The following DTD1 variants were observed in gnomAD, a reference collection of about 807,000 sequenced individuals.
DTD1 encodes the protein D-aminoacyl-tRNA deacylase 1.
A neutral mutation model predicts 25.6 loss-of-function variants in DTD1; 13 were observed. The ratio of observed to expected loss-of-function variants is 0.51; its 90% confidence interval spans 0.33 to 0.81. DTD1 has a LOEUF of 0.81. Ranked by LOEUF, DTD1 falls within the 30% of genes least tolerant of loss-of-function variation. The pLI is 0.02. For missense variants in DTD1, 193 were observed against 266.4 expected, an observed-to-expected ratio of 0.72 and a Z score of 1.92; for synonymous variants, 110 against 103.6, an observed-to-expected ratio of 1.06 and a Z score of -0.37.
chr20:18,629,564 A>T (rs1020254889), intron 4 of DTD1, among the ~76,000 whole-genome samples: 1 of 152,006 alleles, frequency 6.6e-6, no homozygotes, highest in Non-Finnish European at 1.5e-5. Context: ...CAGCCTCCCA[A>T]AGTGCTGAGA....
rs144477577 is a variant in DTD1 at position 18,728,103 on chromosome 20, C to T, written c.478-15997C>T. 5.0e-3 allele frequency among the ~76,000 whole-genome samples: 759 copies of T among 152,258 alleles called. 8 individuals carry two copies. The highest frequency in any genetic ancestry group is 0.018 in the African/African-American group (731 of 41,534). ...AGGACCCTGGAGGGGTTTTCAGTCCCTTCATGGACTTGGAGACTGTCAGCC... is the reference window on the plus strand; with the variant it reads ...AGGACCCTGGAGGGGTTTTCAGTCCTTTCATGGACTTGGAGACTGTCAGCC... On this transcript the variant is annotated intron_variant, in intron 4 of 5. Coordinates refer to ENST00000377452, the MANE Select transcript of DTD1 (RefSeq NM_080820.6).
intron 4 of DTD1, among the ~76,000 whole-genome samples, chr20:18,677,878 T>C (rs1056402140): frequency 6.6e-6 from 1 of 152,252 alleles, no homozygotes; most frequent in Admixed American, 6.5e-5. Flanking sequence ...TTGCTTCTTT[T>C]TAAAAATTAA....
At chr20:18,752,097 C>A (rs1480514688) in intron 5 of DTD1, among the ~76,000 whole-genome samples, 2 of 152,132 alleles carry the variant, frequency 1.3e-5, no homozygotes, top group African/African-American at 4.8e-5. Context: ...TTACCCCACC[C>A]CCAGCCCCCA....
intron 4 of DTD1, among the ~76,000 whole-genome samples, chr20:18,686,535 G>T (rs533665772): frequency 6.6e-6 from 1 of 151,992 alleles, no homozygotes; most frequent in Non-Finnish European, 1.5e-5. Flanking sequence ...TCCCAATATT[G>T]TATATGCTTT....
intron 3 of DTD1, among the ~76,000 whole-genome samples, chr20:18,621,794 G>T (rs2060735256): frequency 6.6e-6 from 1 of 151,126 alleles, no homozygotes; most frequent in South Asian, 2.1e-4. Flanking sequence ...GCCAGGCGTG[G>T]TGGCTCACGC....
At chr20:18,667,429 C>T (rs1000458642) in intron 4 of DTD1, among the ~76,000 whole-genome samples, 3 of 152,112 alleles carry the variant, frequency 2.0e-5, no homozygotes, top group Non-Finnish European at 2.9e-5. Context: ...GCTGAAAGAT[C>T]GCTGATGGGC....
chr20:18,659,541 TAG>T (rs2060901756), intron 4 of DTD1, among the ~76,000 whole-genome samples: 1 of 152,258 alleles, frequency 6.6e-6, no homozygotes, highest in Non-Finnish European at 1.5e-5. Flanking sequence ...TTGTCTTTTA[TAG>T]AGTTTATTAT....
At chr20:18,721,145 G>T (rs576777216) in intron 4 of DTD1, among the ~76,000 whole-genome samples, 3 of 152,212 alleles carry the variant, frequency 2.0e-5, no homozygotes, top group African/African-American at 7.2e-5. Context: ...CGAACAGACT[G>T]TCCTAATTTT....
rs563703310 is a variant in DTD1 at position 18,649,283 on chromosome 20, G to A, written c.477+21050G>A. Among the ~76,000 whole-genome samples, 11 of 144,516 alleles carry A rather than the reference G, an allele frequency of 7.6e-5. No homozygotes were observed. In the South Asian group the frequency reaches 9.0e-4, roughly 12 times the overall value. The allele number at this position is 144,516 out of a possible 152,430, so 94.8% of individuals were successfully genotyped here. On this transcript the variant is annotated intron_variant, in intron 4 of 5. Coordinates refer to ENST00000377452, the MANE Select transcript of DTD1 (RefSeq NM_080820.6). ...TGGTGGCTAACACAAGACAAGACTC[G>A]AGCGAGAAAGACTCTGATGGGCTTT...
At chr20:18,619,226 T>G (rs528039483) in intron 3 of DTD1, among the ~76,000 whole-genome samples, 46 of 152,328 alleles carry the variant, frequency 3.0e-4, no homozygotes, top group African/African-American at 1.0e-3. Flanking sequence ...GCAGCTATCT[T>G]TCTCTATTTT....
intron 3 of DTD1, among the ~76,000 whole-genome samples, chr20:18,597,613 A>G (rs554726615): frequency 3.3e-5 from 5 of 152,304 alleles, no homozygotes; most frequent in African/African-American, 7.2e-5. Flanking sequence ...TTTTATGTAA[A>G]TGGAATTATA....
chr20:18,746,958 A>G (rs990619723), intron 5 of DTD1, among the ~76,000 whole-genome samples: 1 of 152,172 alleles, frequency 6.6e-6, no homozygotes, highest in Non-Finnish European at 1.5e-5. Context: ...TATCTCACGT[A>G]TGCATGGGAC....
At chr20:18,728,176 T>A (rs1311161348) in intron 4 of DTD1, among the ~76,000 whole-genome samples, 2 of 152,178 alleles carry the variant, frequency 1.3e-5, no homozygotes. Flanking sequence ...ACTTGCTGAA[T>A]ACTGGGGACC....
At chr20:18,724,501 G>T (rs886719758) in intron 4 of DTD1, among the ~76,000 whole-genome samples, 3 of 152,014 alleles carry the variant, frequency 2.0e-5, no homozygotes, top group Non-Finnish European at 4.4e-5. Context: ...TCAAAAATTG[G>T]CTCATACTAA....
intron 4 of DTD1, among the ~76,000 whole-genome samples, chr20:18,712,258 T>C (rs191631541): frequency 1.9e-3 from 295 of 152,288 alleles, no homozygotes; most frequent in African/African-American, 7.0e-3. Flanking sequence ...TTCTTGTTTG[T>C]AATTTTTTGT....
In DTD1 at chr20:18,608,133, C is replaced by G. The variant is rs140074481; in HGVS notation, c.370+11892C>G. ...AAACTAAGGGAATTGGTCTTTTTGT[C>G]TAAGTGATCAGATTTGTGGATATAG... On this transcript the variant is annotated intron_variant, in intron 3 of 5. Coordinates refer to ENST00000377452, the MANE Select transcript of DTD1 (RefSeq NM_080820.6). 2.4e-3 allele frequency among the ~76,000 whole-genome samples: 371 copies of G among 151,650 alleles called. 7 individuals are homozygous for G. The highest frequency in any genetic ancestry group is 0.02 in the Admixed American group (304 of 15,236).
intron 3 of DTD1, among the ~76,000 whole-genome samples, chr20:18,618,625 A>ATGTATATATAATTATACACATATATG (rs2060719440): frequency 2.7e-5 from 4 of 150,414 alleles, no homozygotes; most frequent in Admixed American, 6.7e-5. Flanking sequence ...ATATATGTAT[A>ATGTATATATAATTATACACATATATG]TGTATATATA....
chr20:18,622,578 T>G (rs2060739046), intron 3 of DTD1, among the ~76,000 whole-genome samples: 1 of 152,244 alleles, frequency 6.6e-6, no homozygotes, highest in Admixed American at 6.5e-5. Context: ...TGCATAGTGT[T>G]CTTCTAATAA....
intron 1 of DTD1, chr20:18,588,924 T>G (rs1325184123): frequency 2.1e-6 from 2 of 953,332 alleles, no homozygotes; most frequent in Non-Finnish European, 2.5e-6. Flanking sequence ...AATGACAAGC[T>G]TTATATTGTC....
Sources: gnomAD v4.1 joint callset for allele counts (sites outside exome capture counted in the v4.1 genomes callset) on GRCh38, gnomAD v4.1.1 for gene constraint, MANE v1.5 for transcripts, NCBI Gene and HGNC (gene_info 2026-07-23, HGNC 2026-07-21) for gene names.